TNIK: variants seen among roughly 807,000 people sequenced by gnomAD.
TNIK encodes the protein TRAF2 and NCK-interacting protein kinase.
A neutral mutation model predicts 191.3 loss-of-function variants in TNIK; 49 were observed. That is an observed-to-expected ratio of 0.26 (90% CI 0.20 to 0.32). TNIK has a LOEUF of 0.32. Among genes scored for constraint, TNIK ranks in the 10% least tolerant of loss-of-function variants. The pLI is 1.00. For synonymous variants in TNIK, 594 were observed against 600.9 expected, an observed-to-expected ratio of 0.99 and a Z score of 0.17; for missense variants, 1,155 against 1,702.3, an observed-to-expected ratio of 0.68 and a Z score of 5.66.
chr3:171,163,991 G>C (rs1057243815), intron 10 of TNIK, among the ~76,000 whole-genome samples: 1 of 152,148 alleles, frequency 6.6e-6, no homozygotes, highest in African/African-American at 2.4e-5. Context: ...AGTAATATTA[G>C]AGCAAACTAA....
At chr3:171,432,234 G>T (rs1577916589) in intron 1 of TNIK, among the ~76,000 whole-genome samples, 1 of 152,144 alleles carries the variant, frequency 6.6e-6, no homozygotes, top group Admixed American at 6.6e-5. Context: ...TACCTATGCT[G>T]TGAAAGACAA....
At chr3:171,074,379 A>G (rs1299135082) in intron 28 of TNIK, among the ~76,000 whole-genome samples, 1 of 152,172 alleles carries the variant, frequency 6.6e-6, no homozygotes, top group African/African-American at 2.4e-5. Flanking sequence ...TGGCAGGTTA[A>G]GGGCTGAAAA....
At chr3:171,314,747 G>T (rs1754420928) in intron 2 of TNIK, among the ~76,000 whole-genome samples, 1 of 152,186 alleles carries the variant, frequency 6.6e-6, no homozygotes, top group East Asian at 1.9e-4. Flanking sequence ...TAAAACGATA[G>T]AGAGTTATGA....
chr3:171,385,560 A>G (rs1274427260), intron 1 of TNIK, among the ~76,000 whole-genome samples: 1 of 152,180 alleles, frequency 6.6e-6, no homozygotes, highest in Non-Finnish European at 1.5e-5. Context: ...TCAGACAGGC[A>G]GGAAATCGAT....
chr3:171,400,023 G>C (rs1013163953), intron 1 of TNIK, among the ~76,000 whole-genome samples: 2 of 152,178 alleles, frequency 1.3e-5, no homozygotes, highest in Non-Finnish European at 2.9e-5. Flanking sequence ...AGGATCACAG[G>C]ACACAGCAGG....
At chr3:171,360,380 A>T (rs1714799948) in intron 2 of TNIK, among the ~76,000 whole-genome samples, 1 of 152,234 alleles carries the variant, frequency 6.6e-6, no homozygotes, top group African/African-American at 2.4e-5. Flanking sequence ...ACAGTTTTGC[A>T]GTTGGAAAAG....
chr3:171,327,055 A>C (rs1755850457), intron 2 of TNIK, among the ~76,000 whole-genome samples: 1 of 152,200 alleles, frequency 6.6e-6, no homozygotes, highest in African/African-American at 2.4e-5. Context: ...AAGAAAAGAC[A>C]AAAGCTAAGC....
intron 1 of TNIK, among the ~76,000 whole-genome samples, chr3:171,377,612 C>T (rs1717442244): frequency 6.6e-6 from 1 of 152,134 alleles, no homozygotes; most frequent in African/African-American, 2.4e-5. Context: ...GTATTACTAA[C>T]CCCAATTTTC....
chr3:171,313,581 A>G (rs1032281735), intron 2 of TNIK, among the ~76,000 whole-genome samples: 11 of 152,206 alleles, frequency 7.2e-5, no homozygotes, highest in Non-Finnish European at 1.5e-4. Context: ...ACTTACAATT[A>G]AATAATTCTA....
intron 4 of TNIK, among the ~76,000 whole-genome samples, chr3:171,209,064 G>GGTGTGTGTGTGT (rs61264225): frequency 0.035 from 4,932 of 142,044 alleles, 132 homozygotes; most frequent in South Asian, 0.059. Context: ...CTTTGGAAGG[G>GGTGTGTGTGTGT]GTGTGTGTGT....
chr3:171,079,335 G>T (rs1206244743), intron 28 of TNIK, among the ~76,000 whole-genome samples, 183 bp downstream of exon 28: 1 of 152,104 alleles, frequency 6.6e-6, no homozygotes, highest in African/African-American at 2.4e-5. Flanking sequence ...TATTCTGAAT[G>T]CACTCTTTCA....
rs377732520 is a variant in TNIK at position 171,296,397 on chromosome 3, C to A, written c.124-68176G>T. On this transcript the variant is annotated intron_variant, in intron 2 of 32. Coordinates refer to ENST00000436636, the MANE Select transcript of TNIK (RefSeq NM_015028.4). ...CAACACACCCTTTTTAAAAATGGAA[C>A]CCCTAGATTCAAAGACAGTTTGGAG... 2.0e-5 allele frequency among the ~76,000 whole-genome samples: 3 copies of A among 152,244 alleles called. No individual in the cohort carries two copies. The East Asian group carries it at 5.8e-4, about 29-fold the overall frequency.
At chr3:171,154,433 T>A (rs1732906718) in intron 12 of TNIK, among the ~76,000 whole-genome samples, 1 of 152,196 alleles carries the variant, frequency 6.6e-6, no homozygotes, top group Non-Finnish European at 1.5e-5. Flanking sequence ...AGGGAGCAGG[T>A]GCTTCTGGGG....
intron 1 of TNIK, among the ~76,000 whole-genome samples, chr3:171,394,198 A>G (rs1577757201): frequency 1.3e-5 from 2 of 152,208 alleles, no homozygotes; most frequent in South Asian, 4.2e-4. Context: ...CCCTTTACCT[A>G]TGGGTAAGCA....
chr3:171,243,770 A>T (rs1291141943), intron 2 of TNIK, among the ~76,000 whole-genome samples: 1 of 152,158 alleles, frequency 6.6e-6, no homozygotes, highest in Non-Finnish European at 1.5e-5. Flanking sequence ...TTCCATTTTC[A>T]GAGGCTTTCT....
chr3:171,378,483 T>A (rs892544331), intron 1 of TNIK, among the ~76,000 whole-genome samples: 3 of 152,228 alleles, frequency 2.0e-5, no homozygotes, highest in Non-Finnish European at 4.4e-5. Context: ...TAGCATATTG[T>A]AAGTGCTTAA....
intron 2 of TNIK, among the ~76,000 whole-genome samples, chr3:171,322,820 A>G (rs992460099): frequency 4.2e-5 from 6 of 142,202 alleles, no homozygotes; most frequent in Non-Finnish European, 6.1e-5. Flanking sequence ...TGTTGTTGTT[A>G]TTATTGTTGT....
rs796404682 is a variant in TNIK at position 171,139,372 on chromosome 3, ACG to A, written c.1419+96_1419+97del. On this transcript the variant is annotated intron_variant, in intron 14 of 32. Coordinates refer to ENST00000436636, the MANE Select transcript of TNIK (RefSeq NM_015028.4). ...ACTGGTATGTTAGAAGGACACACGC[ACG>A]CGCGCACACACACACACACACACAC... 8.6e-4 allele frequency: 625 copies of A among 730,324 alleles called. 1 individual carries two copies. Among genetic ancestry groups the A allele is most frequent in the Middle Eastern group, 1.9e-3 (4 of 2,076 alleles). 45.2% of individuals were successfully genotyped at this position (730,324 alleles called of 1,614,324 possible).
intron 1 of TNIK, among the ~76,000 whole-genome samples, chr3:171,452,775 C>G (rs999627822): frequency 1.3e-5 from 2 of 150,102 alleles, no homozygotes; most frequent in Non-Finnish European, 3.0e-5. Flanking sequence ...CACACACATA[C>G]GCCTTGCAAT....
Sources: gnomAD v4.1 joint callset for allele counts (sites outside exome capture counted in the v4.1 genomes callset) on GRCh38, gnomAD v4.1.1 for gene constraint, MANE v1.5 for transcripts, NCBI Gene and HGNC (gene_info 2026-07-23, HGNC 2026-07-21) for gene names.